Variants in KHDRBS3 observed in about 807,000 individuals in gnomAD.
KHDRBS3 encodes KH domain-containing, RNA-binding, signal transduction-associated protein 3.
Under a neutral mutation model 45.6 loss-of-function variants are expected in KHDRBS3, and 23 were observed. That is an observed-to-expected ratio of 0.50 (90% CI 0.36 to 0.72). The LOEUF (loss-of-function observed/expected upper bound fraction) is 0.72. Ranked by LOEUF, KHDRBS3 falls within the 30% of genes least tolerant of loss-of-function variation. The pLI, the probability that KHDRBS3 is intolerant of heterozygous loss-of-function variation, is 0.00. For missense variants in KHDRBS3, 352 were observed against 424.8 expected (o/e 0.83, Z 1.51); for synonymous variants, 162 against 156.5 (o/e 1.04, Z -0.26).
chr8:135,493,239 C>T (rs558997843), intron 1 of KHDRBS3, among the ~76,000 whole-genome samples: 14 of 152,052 alleles, frequency 9.2e-5, no homozygotes, highest in Admixed American at 3.3e-4. Context: ...TAGACTCCTT[C>T]GGATTTTCTG....
intron 5 of KHDRBS3, among the ~76,000 whole-genome samples, chr8:135,575,395 C>T (rs891107970): frequency 6.6e-6 from 1 of 152,206 alleles, no homozygotes. Context: ...AGCGATGCCA[C>T]ACTGTCCTTC....
At chr8:135,581,552 G>A (rs1455525622) in intron 5 of KHDRBS3, among the ~76,000 whole-genome samples, 1 of 152,152 alleles carries the variant, frequency 6.6e-6, no homozygotes, top group East Asian at 1.9e-4. Flanking sequence ...GTGTGGGAGT[G>A]AAGTTTGGGT....
intron 7 of KHDRBS3, among the ~76,000 whole-genome samples, chr8:135,617,992 G>A (rs1001471134): frequency 3.9e-5 from 6 of 152,136 alleles, no homozygotes; most frequent in Admixed American, 3.9e-4. Flanking sequence ...GTCGGTGCCT[G>A]AATTCCCCAG....
At chr8:135,596,600 A>T (rs554593383) in intron 6 of KHDRBS3, among the ~76,000 whole-genome samples, 1 of 152,234 alleles carries the variant, frequency 6.6e-6, no homozygotes, top group Admixed American at 6.5e-5. Context: ...TTACAGACAT[A>T]CAAGAAGGTA....
At chr8:135,655,993 T>C (rs1831524024) in intron 4 of KHDRBS3, among the ~76,000 whole-genome samples, 1 of 152,156 alleles carries the variant, frequency 6.6e-6, no homozygotes, top group African/African-American at 2.4e-5. Context: ...TCATAATGGA[T>C]AGTAGTGTAA....
chr8:135,548,736 C>CT lies in KHDRBS3; in HGVS notation c.325-12dup. ...AATGACACGTTTTTAAATGTGATTT[C>CT]TTTTTTCCTTTTTCCAGGAAGAAGA... On this transcript the variant is annotated splice_polypyrimidine_tract_variant and intron_variant, in intron 3 of 8. Transcript: ENST00000355849. 3 of 1,483,588 alleles carry CT rather than the reference C, an allele frequency of 2.0e-6. No homozygotes were observed. Among genetic ancestry groups the CT allele is most frequent in the Admixed American group, 2.3e-5 (1 of 42,724 alleles). 91.9% of individuals were successfully genotyped at this position (1,483,588 alleles called of 1,614,324 possible).
chr8:135,553,084 G>A (rs1433615833), intron 4 of KHDRBS3, among the ~76,000 whole-genome samples: 1 of 152,116 alleles, frequency 6.6e-6, no homozygotes, highest in Admixed American at 6.6e-5. Flanking sequence ...AGAGGTGTGT[G>A]GCGAGCTTTT....
chr8:135,546,940 G>A (rs564465255), intron 3 of KHDRBS3, among the ~76,000 whole-genome samples: 3 of 152,214 alleles, frequency 2.0e-5, no homozygotes, highest in Admixed American at 6.5e-5. Flanking sequence ...TTAAGTTTGT[G>A]ATAGAAATAA....
intron 7 of KHDRBS3, among the ~76,000 whole-genome samples, chr8:135,630,573 G>GGGGAA (rs1336718947): frequency 6.6e-6 from 1 of 151,742 alleles, no homozygotes; most frequent in East Asian, 1.9e-4. Flanking sequence ...TTCATCATTA[G>GGGGAA]GGGAACATCA....
intron 1 of KHDRBS3, among the ~76,000 whole-genome samples, chr8:135,475,954 A>C (rs1284611913): frequency 6.6e-6 from 1 of 152,142 alleles, no homozygotes; most frequent in East Asian, 1.9e-4. Context: ...CAGTAGATTA[A>C]AATGGAGGGG....
intron 1 of KHDRBS3, among the ~76,000 whole-genome samples, chr8:135,497,291 A>G (rs990119395): frequency 2.6e-5 from 4 of 152,154 alleles, no homozygotes; most frequent in Non-Finnish European, 4.4e-5. Flanking sequence ...TTAACAGTGG[A>G]TATGTCGGAA....
intron 5 of KHDRBS3, among the ~76,000 whole-genome samples, chr8:135,566,330 C>T (rs953473064): frequency 2.0e-5 from 3 of 152,034 alleles, no homozygotes; most frequent in South Asian, 4.2e-4. Context: ...ATAAATGTAA[C>T]GTTAAAGTCG....
chr8:135,503,492 G>A (rs533800076), intron 1 of KHDRBS3, among the ~76,000 whole-genome samples: 11 of 152,108 alleles, frequency 7.2e-5, no homozygotes, highest in East Asian at 3.9e-4. Context: ...GGCCTCCTGC[G>A]TTGGAATTGC....
intron 7 of KHDRBS3, among the ~76,000 whole-genome samples, chr8:135,640,130 G>C (rs1355371465): frequency 6.6e-6 from 1 of 152,166 alleles, no homozygotes; most frequent in Non-Finnish European, 1.5e-5. Context: ...TGCAGTGACA[G>C]AATTGCAGGG....
At chr8:135,619,849 A>G (rs1273967049) in intron 7 of KHDRBS3, among the ~76,000 whole-genome samples, 1 of 152,184 alleles carries the variant, frequency 6.6e-6, no homozygotes, top group East Asian at 1.9e-4. Flanking sequence ...TTTGAAGTTT[A>G]TGGTCAGGGA....
At chr8:135,534,148 C>T (rs563880312) in intron 2 of KHDRBS3, among the ~76,000 whole-genome samples, 1 of 152,186 alleles carries the variant, frequency 6.6e-6, no homozygotes, top group Admixed American at 6.5e-5. Flanking sequence ...TTTAGACCCA[C>T]CTCTAGAGAA....
At chr8:135,643,059 C>T (rs1831132336) in intron 7 of KHDRBS3, among the ~76,000 whole-genome samples, 1 of 152,118 alleles carries the variant, frequency 6.6e-6, no homozygotes, top group African/African-American at 2.4e-5. Context: ...TCCCAAAGTG[C>T]TGAGATTACA....
In KHDRBS3 at chr8:135,457,793, G is replaced by C; in HGVS notation, c.-74G>C. The C allele has an allele frequency of 1.1e-6, 1 of 870,018 alleles. No homozygotes were observed. The highest frequency in any genetic ancestry group is 1.6e-6 in the Non-Finnish European group (1 of 640,960). 53.9% of individuals were successfully genotyped at this position (870,018 alleles called of 1,614,324 possible). On this transcript the variant is annotated 5_prime_UTR_variant, in exon 1 of 9. Transcript: ENST00000355849. The surrounding 1 kb of genome is among the most constrained non-coding windows in gnomAD (Gnocchi z 4.4). ...CGGGTCCCCGCCGCTGGGGGCGCGG[G>C]CGGGGTCGGGGGTTGCCGGGCGCCG...
chr8:135,612,561 T>TG (rs1425158541), intron 7 of KHDRBS3, among the ~76,000 whole-genome samples: 1 of 151,894 alleles, frequency 6.6e-6, no homozygotes, highest in African/African-American at 2.4e-5. Flanking sequence ...TAACATGTCT[T>TG]GATTTTGACA....
Sources: gnomAD v4.1 joint callset for allele counts (sites outside exome capture counted in the v4.1 genomes callset) on GRCh38, gnomAD v4.1.1 for gene constraint, Gnocchi (gnomAD v3.1) non-coding constraint, MANE v1.5 for transcripts, NCBI Gene and HGNC (gene_info 2026-07-23, HGNC 2026-07-21) for gene names.